Variants in ITGB3BP observed in about 807,000 individuals in gnomAD.
ITGB3BP encodes the protein integrin subunit beta 3 binding protein.
In ITGB3BP, 27 loss-of-function variants were observed where a neutral mutation model predicts 29.1. The observed-to-expected ratio is 0.93, with a 90% CI of 0.68 to 1.28. The LOEUF is 1.28. Ranked by LOEUF, ITGB3BP falls within the 50% of genes most tolerant of loss-of-function variation. ITGB3BP has a pLI of 0.00. For missense variants in ITGB3BP, 192 were observed against 200.2 expected, an observed-to-expected ratio of 0.96 and a Z score of 0.25; for synonymous variants, 61 against 61.4, an observed-to-expected ratio of 0.99 and a Z score of 0.03.
chr1:63,464,586 A>T (rs1016551927), intron 4 of ITGB3BP, among the ~76,000 whole-genome samples: 1 of 152,226 alleles, frequency 6.6e-6, no homozygotes, highest in African/African-American at 2.4e-5. Flanking sequence ...CAATCATTAC[A>T]GTAATAACTG....
At chr1:63,479,610 C>T (rs1433093345) in intron 3 of ITGB3BP, among the ~76,000 whole-genome samples, 1 of 152,128 alleles carries the variant, frequency 6.6e-6, no homozygotes, top group Admixed American at 6.5e-5. Flanking sequence ...GCCCTCCCGA[C>T]CAGCAGAACT....
intron 2 of ITGB3BP, among the ~76,000 whole-genome samples, chr1:63,497,556 TG>T (rs1024003060): frequency 5.9e-5 from 9 of 152,094 alleles, no homozygotes; most frequent in African/African-American, 2.2e-4. Flanking sequence ...TGTCTCATCC[TG>T]GGGGGGAGAC....
Position 63,478,765 on chromosome 1 carries a change from C to T in ITGB3BP, c.253G>A (p.Glu85Lys), listed in dbSNP as rs975516127. The change falls in exon 4 of 9, where the codon GAA becomes AAA. Residue 85 changes from glutamate to lysine, a missense_variant and splice_region_variant. Transcript: ENST00000271002. The part of the protein sequence containing the change: ...SKESTTKDND[E>K]FMMLLSKVEK... ...TAATTTCAAAAATAACAAACTTACTCATCATTGTCTTTTGTTGTAGATTCT... is the reference window on the plus strand; with the variant it reads ...TAATTTCAAAAATAACAAACTTACTTATCATTGTCTTTTGTTGTAGATTCT... 1 of 1,419,020 alleles carries T rather than the reference C, an allele frequency of 7.0e-7. No individual in the cohort carries two copies. The highest frequency in any genetic ancestry group is 2.5e-5 in the East Asian group (1 of 40,296). 87.9% of individuals were successfully genotyped at this position (1,419,020 alleles called of 1,614,324 possible).
upstream of ITGB3BP, chr1:63,523,232 C>A: frequency 6.4e-7 from 1 of 1,552,462 alleles, no homozygotes; most frequent in Non-Finnish European, 8.9e-7. Context: ...GCATGAAAAG[C>A]GCGCGCTGGA....
At chr1:63,524,533 G>A (rs1033092580), upstream of ITGB3BP, among the ~76,000 whole-genome samples, 1 of 152,212 alleles carries the variant, frequency 6.6e-6, no homozygotes, top group African/African-American at 2.4e-5. Context: ...GGAATGCAAT[G>A]AGTCCTGAAG....
At chr1:63,455,669 G>A (rs1471258194) in intron 4 of ITGB3BP, among the ~76,000 whole-genome samples, 1 of 152,030 alleles carries the variant, frequency 6.6e-6, no homozygotes, top group Non-Finnish European at 1.5e-5. Context: ...ATTGAAGGCT[G>A]CACAATATTC....
chr1:63,446,007 G>A (rs567297190), intron 8 of ITGB3BP, among the ~76,000 whole-genome samples: 165 of 152,196 alleles, frequency 1.1e-3, no homozygotes, highest in African/African-American at 3.7e-3. Flanking sequence ...GGGTTCAAGC[G>A]ATTCTCCTGC....
At chr1:63,523,266 C>G (rs984903521), upstream of ITGB3BP, 5 of 1,207,792 alleles carry the variant, frequency 4.1e-6, no homozygotes, top group Non-Finnish European at 6.1e-6. Flanking sequence ...CCACCGCGGC[C>G]GGGCGGAAAC....
intron 8 of ITGB3BP, among the ~76,000 whole-genome samples, chr1:63,442,098 A>AAAAC (rs761246747): frequency 3.3e-5 from 5 of 152,348 alleles, no homozygotes; most frequent in African/African-American, 9.6e-5. Flanking sequence ...TTAAAAAACA[A>AAAAC]AAACAAACAA....
intron 2 of ITGB3BP, among the ~76,000 whole-genome samples, chr1:63,503,909 A>ATTT (rs1557648465): frequency 6.6e-6 from 1 of 152,126 alleles, no homozygotes; most frequent in African/African-American, 2.4e-5. Context: ...TGTTTTGGTT[A>ATTT]CTGTAGCCTT....
At chr1:63,463,963 A>T (rs1405902384) in intron 4 of ITGB3BP, among the ~76,000 whole-genome samples, 2 of 152,186 alleles carry the variant, frequency 1.3e-5, no homozygotes, top group South Asian at 2.1e-4. Context: ...ATAAAAAAAT[A>T]AGAAAAAATA....
chr1:63,510,272 T>C (rs1258108022), intron 1 of ITGB3BP: 3 of 405,650 alleles, frequency 7.4e-6, no homozygotes, highest in Non-Finnish European at 1.3e-5. Flanking sequence ...CTAAATGCTA[T>C]TAAGATGCAA....
intron 1 of ITGB3BP, among the ~76,000 whole-genome samples, chr1:63,512,584 G>C (rs1039267953): frequency 1.3e-5 from 2 of 152,094 alleles, no homozygotes; most frequent in Non-Finnish European, 2.9e-5. Context: ...TAGTAAAGCA[G>C]TTAAGACTCA....
At chr1:63,499,464 T>C (rs1267270440) in intron 2 of ITGB3BP, among the ~76,000 whole-genome samples, 4 of 152,108 alleles carry the variant, frequency 2.6e-5, no homozygotes, top group Admixed American at 2.6e-4. Context: ...CTACTAATAT[T>C]TAAAGAAGTG....
intron 1 of ITGB3BP, chr1:63,510,225 T>C (rs911333777): frequency 2.9e-5 from 14 of 485,306 alleles, no homozygotes; most frequent in African/African-American, 2.8e-4. Context: ...ATTAAAAAAC[T>C]AAAGTTAAAC....
intron 3 of ITGB3BP, among the ~76,000 whole-genome samples, chr1:63,484,029 T>C (rs1247159202): frequency 6.6e-6 from 1 of 152,154 alleles, no homozygotes; most frequent in Non-Finnish European, 1.5e-5. Context: ...GTATATGCAT[T>C]TGTAAGTACA....
intron 8 of ITGB3BP, 70 bp downstream of exon 8, chr1:63,446,736 A>G: frequency 9.4e-7 from 1 of 1,066,922 alleles, no homozygotes; most frequent in South Asian, 1.3e-5. Flanking sequence ...TGTAAATAAA[A>G]TGTTTCCACC....
intron 4 of ITGB3BP, among the ~76,000 whole-genome samples, chr1:63,469,647 T>C (rs1645161793): frequency 6.6e-6 from 1 of 152,194 alleles, no homozygotes; most frequent in African/African-American, 2.4e-5. Context: ...TTTAACCCCA[T>C]GAACACTTAT....
At chr1:63,519,017 C>T (rs1025087567) in intron 1 of ITGB3BP, among the ~76,000 whole-genome samples, 2 of 152,078 alleles carry the variant, frequency 1.3e-5, no homozygotes, top group Non-Finnish European at 2.9e-5. Context: ...ACACTTTGTG[C>T]CACTGGTATC....
Sources: allele counts gnomAD v4.1 joint callset (sites outside exome capture counted in the v4.1 genomes callset), GRCh38; gene constraint gnomAD v4.1.1; transcripts MANE v1.5; gene names NCBI Gene and HGNC (gene_info 2026-07-23, HGNC 2026-07-21).